RGP1: variants seen among roughly 807,000 people sequenced by gnomAD.
RGP1 encodes the protein RGP1 partner of RAB6A GEF complex, also known as RAB6A-GEF complex partner protein 2.
In RGP1, 28 loss-of-function variants were observed where a neutral mutation model predicts 44.5. The ratio of observed to expected loss-of-function variants is 0.63; its 90% CI spans 0.47 to 0.86. The LOEUF (loss-of-function observed/expected upper bound fraction) is 0.86, where lower values mean the gene tolerates loss of function less well. Among genes scored for constraint, RGP1 ranks in the 40% least tolerant of loss-of-function variants. The pLI is 0.00. For missense variants in RGP1, 417 were observed against 490.7 expected, an observed-to-expected ratio of 0.85 and a Z score of 1.42; for synonymous variants, 212 against 196.7, an observed-to-expected ratio of 1.08 and a Z score of -0.65.
chr9:35,751,660 T>C lies in RGP1; in HGVS notation c.668T>C (p.Val223Ala), dbSNP rs1181259795. ...LYNISDGRGKVGTFGIFKSVY... is the reference protein window; with the variant it reads ...LYNISDGRGKAGTFGIFKSVY... ...AATATCAGTGATGGCCGAGGGAAAG[T>C]TGGGACGTTTGGCATCTTCAAATCT... is the stretch of plus-strand genomic sequence containing the variant. The change falls in exon 7 of 9, where the codon GTT (valine) becomes GCT (alanine). Residue 223 changes from valine to alanine, a missense_variant. Val to Ala is a moderately conservative substitution (Grantham distance 64, BLOSUM62 0). Transcript: ENST00000378078. 6.2e-7 allele frequency: 1 copy of C among 1,613,792 alleles called. No individual in the cohort carries two copies. The highest frequency in any genetic ancestry group is 8.5e-7 in the Non-Finnish European group (1 of 1,179,872).
the RGP1 span, among the ~76,000 whole-genome samples, chr9:35,785,048 C>T: frequency 1.3e-5 from 2 of 152,194 alleles, no homozygotes; most frequent in African/African-American, 2.4e-5. Flanking sequence ...ATTTATATAT[C>T]CTTTTTCTTG....
chr9:35,782,451 T>C, the RGP1 span, among the ~76,000 whole-genome samples: 8,161 of 152,216 alleles, frequency 0.054, 442 homozygotes, highest in African/African-American at 0.14. Context: ...TTTTTGTTTT[T>C]GTTTTTGTTT....
At chr9:35,751,155 A>G (rs1244427981) in intron 5 of RGP1, 111 bp from the exon 6 acceptor site, 2 of 1,472,270 alleles carry the variant, frequency 1.4e-6, no homozygotes, top group Admixed American at 3.6e-5. Context: ...TGTAAACCTC[A>G]GCCCTGGCAC....
chr9:35,753,256 C>G lies in RGP1; in HGVS notation c.*382C>G, dbSNP rs370349002. ...CCTCCTGACGTACCTCACACCCAGC[C>G]GGGAAGTCGATGGGATGCTGGGACC... is the stretch of plus-strand genomic sequence containing the variant. On this transcript the variant is annotated 3_prime_UTR_variant, in exon 9 of 9. Transcript: ENST00000378078. The surrounding 1 kb of genome is among the most constrained non-coding windows in gnomAD (Gnocchi z 4.2). 6.2e-7 allele frequency: 1 copy of G among 1,613,930 alleles called. No individual in the cohort carries two copies. The highest frequency in any genetic ancestry group is 8.5e-7 in the Non-Finnish European group (1 of 1,179,992).
At chr9:35,765,122 C>CA in the RGP1 span, among the ~76,000 whole-genome samples, 15,698 of 102,982 alleles carry the variant, frequency 0.15, 956 homozygotes, top group African/African-American at 0.19. Flanking sequence ...GACTCTGTCT[C>CA]AAAAAAAAAA....
intron 8 of RGP1, 89 bp downstream of exon 8, chr9:35,752,234 C>T: frequency 4.7e-6 from 6 of 1,275,148 alleles, no homozygotes; most frequent in Middle Eastern, 2.5e-4. Flanking sequence ...ATTCCTTATA[C>T]ACACTCCCAG....
At chr9:35,751,560 G>A in intron 6 of RGP1, 67 bp from the exon 7 acceptor site, 1 of 1,607,926 alleles carries the variant, frequency 6.2e-7, no homozygotes, top group Non-Finnish European at 8.5e-7. Flanking sequence ...CTTTTGGCCT[G>A]TGGTGCCCAG....
At chr9:35,783,028 C>G in the RGP1 span, among the ~76,000 whole-genome samples, 3 of 151,910 alleles carry the variant, frequency 2.0e-5, no homozygotes, top group Admixed American at 2.0e-4. Flanking sequence ...GGGCTGGTCT[C>G]TAACTCCCAA....
the RGP1 span, among the ~76,000 whole-genome samples, chr9:35,784,881 C>T: frequency 2.0e-5 from 3 of 152,138 alleles, no homozygotes. Flanking sequence ...GTAGCTGAAA[C>T]TACAGGCACA....
At chr9:35,790,206 T>TA in the RGP1 span, 2 of 153,348 alleles carry the variant, frequency 1.3e-5, no homozygotes, top group African/African-American at 4.8e-5. Flanking sequence ...GAACTAGAGT[T>TA]ACCAACCCCT....
chr9:35,762,257 G>A (rs1307749908), downstream of RGP1, among the ~76,000 whole-genome samples: 2 of 152,214 alleles, frequency 1.3e-5, no homozygotes, highest in Non-Finnish European at 2.9e-5. Context: ...GGACTGTCAT[G>A]ATGAAGGAGC....
the RGP1 span, among the ~76,000 whole-genome samples, chr9:35,771,511 CT>C: frequency 6.6e-6 from 1 of 152,198 alleles, no homozygotes; most frequent in Non-Finnish European, 1.5e-5. Flanking sequence ...AATCTATAAT[CT>C]CTATGTTCTG....
the RGP1 span, chr9:35,772,509 A>G: frequency 1.3e-5 from 2 of 152,336 alleles, no homozygotes; most frequent in Non-Finnish European, 2.9e-5. Context: ...ATTTTATACT[A>G]GAGGCCAGGC....
rs1198079234 is a variant in RGP1, at chr9:35,752,946, T to A, written c.*72T>A. 6.5e-7 allele frequency: 1 copy of A among 1,544,862 alleles called. No homozygotes were observed. Among genetic ancestry groups the A allele is most frequent in the African/African-American group, 1.4e-5 (1 of 73,074 alleles). ...GCACCTGGACTCTAATGGGACCCAC[T>A]TTTTCCACCTGGGGTCCAATGTCGT... On this transcript the variant is annotated 3_prime_UTR_variant, in exon 9 of 9. Transcript: ENST00000378078.
rs1361981803 is a variant in RGP1, at chr9:35,757,695, T to G, written c.*4821T>G. The G allele has an allele frequency of 6.6e-6, 1 of 152,136 alleles. No individual in the cohort carries two copies. Among genetic ancestry groups the G allele is most frequent in the Non-Finnish European group, 1.5e-5 (1 of 68,072 alleles). The allele number at this position is 152,136 out of a possible 1,614,324, so 9.4% of individuals were successfully genotyped here. ...TTTTAGGAGTAGGGGGAGTTATGAT[T>G]ATTTGGTTACATTTTGGGATTATTT... On this transcript the variant is annotated 3_prime_UTR_variant, in exon 9 of 9. Transcript: ENST00000378078.
chr9:35,764,496 C>T, the RGP1 span, among the ~76,000 whole-genome samples: 149 of 152,274 alleles, frequency 9.8e-4, 2 homozygotes, highest in African/African-American at 3.5e-3. Context: ...TTTCAAAATA[C>T]TTTTTTCAAC....
In RGP1 at chr9:35,755,420, T is replaced by G. The variant is rs1418199458; in HGVS notation, c.*2546T>G. On this transcript the variant is annotated 3_prime_UTR_variant, in exon 9 of 9. Transcript: ENST00000378078. ...AGGGCTTCTATTGGGGATGGCTGTC[T>G]CCTGGCATAGACCTCTGCACCTTTC... 1 of 152,284 alleles carries G rather than the reference T, an allele frequency of 6.6e-6. No homozygotes were observed. Among genetic ancestry groups the G allele is most frequent in the African/African-American group, 2.4e-5 (1 of 41,452 alleles). 9.4% of individuals were successfully genotyped at this position (152,284 alleles called of 1,614,324 possible).
chr9:35,750,019 A>G, intron 2 of RGP1, 148 bp downstream of exon 2: 1 of 863,340 alleles, frequency 1.2e-6, no homozygotes, highest in East Asian at 2.6e-5. Flanking sequence ...CTTTAACAGA[A>G]GATGTGGATG....
downstream of RGP1, among the ~76,000 whole-genome samples, chr9:35,760,837 G>T (rs1200676276): frequency 6.6e-6 from 1 of 152,098 alleles, no homozygotes; most frequent in Non-Finnish European, 1.5e-5. Context: ...TCCGCTTTTG[G>T]CCCCATGATG....
Sources: allele counts gnomAD v4.1 joint callset (sites outside exome capture counted in the v4.1 genomes callset), GRCh38; gene constraint gnomAD v4.1.1; non-coding constraint Gnocchi (gnomAD v3.1); transcripts MANE v1.5; gene names NCBI Gene and HGNC (gene_info 2026-07-23, HGNC 2026-07-21).